The following IFT172 variants were observed in gnomAD, a reference collection of about 807,000 sequenced individuals.
The protein encoded by IFT172 is intraflagellar transport protein 172 homolog.
Under a neutral mutation model 248.9 loss-of-function variants are expected in IFT172, and 164 were observed. The ratio of observed to expected loss-of-function variants is 0.66; its 90% CI spans 0.58 to 0.75. The LOEUF is 0.75. Among genes scored for constraint, IFT172 ranks in the 30% least tolerant of loss-of-function variants. The pLI is 0.00. For missense variants in IFT172, 1,950 were observed against 2,192.4 expected, an observed-to-expected ratio of 0.89 and a Z score of 2.21; for synonymous variants, 729 against 791.6, an observed-to-expected ratio of 0.92 and a Z score of 1.33.
At chr2:27,452,026 G>GT (rs1031755109) in intron 35 of IFT172, among the ~76,000 whole-genome samples, 3 of 151,620 alleles carry the variant, frequency 2.0e-5, no homozygotes, top group African/African-American at 7.3e-5. Context: ...TTAACTTTAT[G>GT]TATCAATTTG....
At position 27,445,368 on chromosome 2, in the gene IFT172, C is replaced by CA; in HGVS notation, c.4995dup (p.Glu1666Ter). On this transcript the variant is annotated frameshift_variant, in exon 46 of 48. Transcript: ENST00000260570. LOFTEE classifies it high-confidence loss of function. The surrounding 1 kb of genome is among the most constrained non-coding windows in gnomAD (Gnocchi z 4.4). Reference sequence around the variant, plus strand: ...AGGGAGGCCTCGTAGGCGCCACGCTCATCCCGAGGCAGAACCTGCTCCAGC... The same window carrying CA: ...AGGGAGGCCTCGTAGGCGCCACGCTCAATCCCGAGGCAGAACCTGCTCCAGC... 6.2e-7 allele frequency: 1 copy of CA among 1,613,120 alleles called. No homozygotes were observed. The highest frequency in any genetic ancestry group is 8.5e-7 in the Non-Finnish European group (1 of 1,179,720).
At chr2:27,479,150 A>T (rs1049494639) in intron 10 of IFT172, among the ~76,000 whole-genome samples, 1 of 151,268 alleles carries the variant, frequency 6.6e-6, no homozygotes, top group Non-Finnish European at 1.5e-5. Context: ...GACTACAGGC[A>T]CCCGCCACAA....
intron 41 of IFT172, 58 bp downstream of exon 41, chr2:27,447,754 G>C: frequency 6.3e-7 from 1 of 1,597,810 alleles, no homozygotes; most frequent in East Asian, 2.2e-5. Context: ...AAAGGTTTAT[G>C]TGCATCAAAG....
rs367678674 is a variant in IFT172 at position 27,447,791 on chromosome 2, G to A, written c.4539+21C>T. 19 of 1,589,114 alleles carry A rather than the reference G, an allele frequency of 1.2e-5. No individual in the cohort carries two copies. In the African/African-American group the frequency reaches 2.1e-4, roughly 18 times the overall value. ...AGAGATGAGGACAAGGACAGACGGA[G>A]CAGCCCTTTCGCTTCCTCACCAGGT... On this transcript the variant is annotated intron_variant, in intron 41 of 47. Transcript: ENST00000260570.
chr2:27,447,499 A>G lies in IFT172; in HGVS notation c.4659+16T>C, dbSNP rs143060452. On this transcript the variant is annotated intron_variant, in intron 42 of 47. Transcript: ENST00000260570. ...GCCCTTCTGACTGAGTGTTCCTTCG[A>G]CCCCCTACATCTCACCAGCTGTTTG... 9,964 of 1,611,802 alleles carry G rather than the reference A, an allele frequency of 6.2e-3. 41 individuals carry two copies. The highest frequency in any genetic ancestry group is 0.015 in the Middle Eastern group (89 of 6,052).
chr2:27,456,535 G>A lies in IFT172; in HGVS notation c.3347C>T (p.Ala1116Val). 1 of 1,613,914 alleles carries A rather than the reference G, an allele frequency of 6.2e-7. No individual in the cohort carries two copies. The highest frequency in any genetic ancestry group is 8.5e-7 in the Non-Finnish European group (1 of 1,179,952). The change falls in exon 30 of 48, where the codon GCT becomes GTT. Residue 1116 changes from alanine to valine, a missense_variant. Physicochemically the swap from Ala to Val is moderately conservative, Grantham distance 64 (BLOSUM62 0). This residue lies in a region of IFT172 where 164 missense variants were observed against 239.3 expected (regional missense o/e 0.69). Coordinates refer to ENST00000260570, the MANE Select transcript of IFT172 (RefSeq NM_015662.3). ...CCAATTGTCTGCAGCGTGGTCAACA[G>A]CAGCTTCCAGGAGTCCCAGCTTATT... ...LLNKLGLLEA[A>V]VDHAADNCSF...
chr2:27,458,893 A>G, intron 25 of IFT172, 25 bp from the exon 26 acceptor site: 1 of 1,612,740 alleles, frequency 6.2e-7, no homozygotes, highest in South Asian at 1.1e-5. Context: ...AGGTAGATAC[A>G]AAAGGTCAGA....
At chr2:27,458,673 G>T in intron 26 of IFT172, 106 bp downstream of exon 26, 6 of 1,311,242 alleles carry the variant, frequency 4.6e-6, no homozygotes, top group Admixed American at 4.5e-5. Context: ...GGTACTCTTT[G>T]TCAGCTTTCA....
At position 27,489,586 on chromosome 2, in the gene IFT172, G is replaced by C. The variant is rs1669019051; in HGVS notation, c.39+29C>G. On this transcript the variant is annotated intron_variant, in intron 1 of 47. Transcript: ENST00000260570. The stretch of plus-strand genomic sequence containing the variant: ...ACTTTTCTTGGAACATAAAGCATAA[G>C]GGGGAGGGACTGGCACGCAATTCCT... 2 of 1,584,852 alleles carry C rather than the reference G, an allele frequency of 1.3e-6. 1 individual carries two copies. Among genetic ancestry groups the C allele is most frequent in the South Asian group, 2.2e-5 (2 of 90,280 alleles).
At chr2:27,489,104 A>T (rs2148566339) in intron 1 of IFT172, among the ~76,000 whole-genome samples, 1 of 152,370 alleles carries the variant, frequency 6.6e-6, no homozygotes, top group East Asian at 1.9e-4. Flanking sequence ...AAAGAAAATA[A>T]GAAAGTAGTG....
chr2:27,444,644 A>T, intron 47 of IFT172, 123 bp from the exon 48 acceptor site: 1 of 709,814 alleles, frequency 1.4e-6, no homozygotes, highest in Admixed American at 2.6e-5. Context: ...TCTAGTGTGT[A>T]TGTGGGTTTT....
chr2:27,477,288 G>C lies in IFT172; in HGVS notation c.1254C>G (p.Thr418=), dbSNP rs1468553045. The change falls in exon 13 of 48, where the codon ACC becomes ACG. Residue 418 remains threonine, a synonymous_variant. Transcript: ENST00000260570. ...TGTCATTATTCCCATATTCCACCAG[G>C]GTTAGCTCTCCGGCATTGAAGATCA... ...VCMIFNAGEL[T]LVEYGNNDTL... 2 of 1,614,086 alleles carry C rather than the reference G, an allele frequency of 1.2e-6. No homozygotes were observed. The highest frequency in any genetic ancestry group is 1.7e-6 in the Non-Finnish European group (2 of 1,180,016).
Position 27,444,487 on chromosome 2 carries a change from T to G in IFT172, c.5195A>C (p.Lys1732Thr). The G allele has an allele frequency of 6.2e-7, 1 of 1,613,700 alleles. No homozygotes were observed. Among genetic ancestry groups the G allele is most frequent in the Non-Finnish European group, 8.5e-7 (1 of 1,179,818 alleles). The change falls in exon 48 of 48, where the codon AAA becomes ACA. Residue 1732 changes from lysine to threonine, a missense_variant. Physicochemically the swap from Lys to Thr is moderately conservative, Grantham distance 78. Around this residue, in one of 3 missense-constraint regions of IFT172, gnomAD observed 620 missense variants for 699.0 expected, o/e 0.89. Transcript: ENST00000260570. ...CCCTCCACACCACTGACTGATGAAT[T>G]TCAGCACGTCCTGGCACACTGGGCT... is the stretch of plus-strand genomic sequence containing the variant. ...SHSPVCQDVL[K>T]FISQWCGGLP...
chr2:27,470,733 G>A (rs1667501742), intron 16 of IFT172, 195 bp downstream of exon 16: 1 of 481,544 alleles, frequency 2.1e-6, no homozygotes, highest in Admixed American at 4.0e-5. Context: ...CATACTCCAA[G>A]GGTCTAATAT....
At chr2:27,479,645 T>C (rs1668214906) in intron 9 of IFT172, 41 bp from the exon 10 acceptor site, 4 of 1,195,130 alleles carry the variant, frequency 3.3e-6, no homozygotes, top group Non-Finnish European at 3.8e-6. Flanking sequence ...ACACACATAG[T>C]ACACTGGCAT....
At position 27,445,931 on chromosome 2, in the gene IFT172, C is replaced by A; in HGVS notation, c.4813G>T (p.Asp1605Tyr). 2.5e-6 allele frequency: 4 copies of A among 1,614,224 alleles called. No homozygotes were observed. The highest frequency in any genetic ancestry group is 3.4e-6 in the Non-Finnish European group (4 of 1,180,036). ...CGGGGCACAGCTTCCCTACTCACAT[C>A]GGTCAGGTCCAAAAAGCGATTGAGG... Reference protein sequence around the residue: ...IFLNRFLDLTDAIEEGTLDGL... With the variant: ...IFLNRFLDLTYAIEEGTLDGL... The change falls in exon 44 of 48, where the codon GAT (aspartate) becomes TAT (tyrosine). Residue 1605 changes from aspartate to tyrosine, a missense_variant and splice_region_variant. Physicochemically the swap from Asp to Tyr is radical, Grantham distance 160. This residue lies in a region of IFT172 where 620 missense variants were observed against 699.0 expected (regional missense o/e 0.89). Transcript: ENST00000260570. The surrounding 1 kb of genome is among the most constrained non-coding windows in gnomAD (Gnocchi z 4.4).
chr2:27,479,957 G>C (rs1346342442), intron 9 of IFT172, 69 bp downstream of exon 9: 1 of 1,559,132 alleles, frequency 6.4e-7, no homozygotes, highest in African/African-American at 1.4e-5. Context: ...CAGTGCTTTA[G>C]GATAAGGCAG....
intron 43 of IFT172, 86 bp from the exon 44 acceptor site, chr2:27,446,074 G>A (rs1665065267): frequency 6.6e-7 from 1 of 1,521,724 alleles, no homozygotes; most frequent in Non-Finnish European, 9.1e-7. Context: ...ATGGGAGTGA[G>A]CAAGCTGGGC....
chr2:27,470,987 T>G lies in IFT172; in HGVS notation c.1633A>C (p.Ser545Arg), dbSNP rs1019494433. 1 of 1,613,966 alleles carries G rather than the reference T, an allele frequency of 6.2e-7. No homozygotes were observed. Among genetic ancestry groups the G allele is most frequent in the African/African-American group, 1.3e-5 (1 of 75,036 alleles). The change falls in exon 16 of 48, where the codon AGT becomes CGT. Residue 545 changes from serine to arginine, a missense_variant. By Grantham distance (110) the Ser-to-Arg change is moderately radical. Coordinates refer to ENST00000260570, the MANE Select transcript of IFT172 (RefSeq NM_015662.3). ...SDVLVAQNRN[S>R]LCVWYNIEAP... ...TCAATGTTGTACCATACACACAGAC[T>G]GTTTCGGTTCTGAGCTACCAGCACG...
Sources: gnomAD v4.1 joint callset for allele counts (sites outside exome capture counted in the v4.1 genomes callset) on GRCh38, gnomAD v4.1.1 for gene constraint, gnomAD v4.1.1 regional missense constraint, Gnocchi (gnomAD v3.1) non-coding constraint, MANE v1.5 for transcripts, NCBI Gene and HGNC (gene_info 2026-07-23, HGNC 2026-07-21) for gene names.